Variants in PPP2R2C observed in about 807,000 individuals in gnomAD.
The protein encoded by PPP2R2C is protein phosphatase 2 regulatory subunit Bgamma.
Under a neutral mutation model 45.3 loss-of-function variants are expected in PPP2R2C, and 10 were observed. That is an observed-to-expected ratio of 0.22 (90% CI 0.14 to 0.37). PPP2R2C has a LOEUF of 0.37. PPP2R2C is among the 10% of genes least tolerant of loss of function. The pLI is 1.00. For synonymous variants in PPP2R2C, 257 were observed against 245.4 expected, an observed-to-expected ratio of 1.05 and a Z score of -0.44; for missense variants, 308 against 619.7, an observed-to-expected ratio of 0.50 and a Z score of 5.34.
chr4:6,344,035 A>G (rs528851721), intron 6 of PPP2R2C, among the ~76,000 whole-genome samples: 1 of 152,322 alleles, frequency 6.6e-6, no homozygotes, highest in African/African-American at 2.4e-5. Context: ...CATGTTGCCA[A>G]CCTCCCAGGT....
intron 1 of PPP2R2C, among the ~76,000 whole-genome samples, chr4:6,554,695 A>G (rs998516927): frequency 6.6e-6 from 1 of 151,966 alleles, no homozygotes; most frequent in African/African-American, 2.4e-5. Context: ...CCCTGTCTTT[A>G]CTAAAAATAC....
At position 6,331,132 on chromosome 4, in the gene PPP2R2C, T is replaced by C. The variant is rs1482881055; in HGVS notation, c.961-1779A>G. Reference sequence around the variant, plus strand: ...TCCCACCCCCGGCTCTGCATTTTTGTGTGTCCTCCTTACTCAGCTCCCAGC... The same window carrying C: ...TCCCACCCCCGGCTCTGCATTTTTGCGTGTCCTCCTTACTCAGCTCCCAGC... On this transcript the variant is annotated intron_variant, in intron 7 of 8. Transcript: ENST00000382599. This position sits in a 1 kb window ranked among gnomAD's most constrained non-coding sequence, Gnocchi z 5.9. Among the ~76,000 whole-genome samples, 1 of 152,170 alleles carries C rather than the reference T, an allele frequency of 6.6e-6. No homozygotes were observed. Among genetic ancestry groups the C allele is most frequent in the Non-Finnish European group, 1.5e-5 (1 of 68,030 alleles).
intron 1 of PPP2R2C, among the ~76,000 whole-genome samples, chr4:6,467,174 A>C (rs1721642597): frequency 6.6e-6 from 1 of 152,200 alleles, no homozygotes; most frequent in African/African-American, 2.4e-5. Context: ...AGGAACACAG[A>C]ATCTGAACAG....
rs564805600 is a variant in PPP2R2C, at chr4:6,530,138, G to T, written c.49+5133C>A. The stretch of plus-strand genomic sequence containing the variant: ...TTCTCGAGGGTTTACTCTGGGCCAG[G>T]CTCTGCCCTTAGCACCGCCCATGGA... On this transcript the variant is annotated intron_variant, in intron 2 of 9. Coordinates refer to the PPP2R2C transcript ENST00000506140. Among the ~76,000 whole-genome samples, 147 of 152,266 alleles carry T rather than the reference G, an allele frequency of 9.7e-4. 1 individual carries two copies. The highest frequency in any genetic ancestry group is 1.7e-3 in the Non-Finnish European group (115 of 68,024).
chr4:6,364,846 A>T lies in PPP2R2C; in HGVS notation c.625+7677T>A, dbSNP rs1714139279. On this transcript the variant is annotated intron_variant, in intron 5 of 8. Transcript: ENST00000382599. This position sits in a 1 kb window ranked among gnomAD's most constrained non-coding sequence, Gnocchi z 5.3. The stretch of plus-strand genomic sequence containing the variant: ...AGTGGCCTAAACACATGCTGGGGGC[A>T]GACAGGCAGGTGGGCTCTGGGTGCA... 6.6e-6 allele frequency among the ~76,000 whole-genome samples: 1 copy of T among 152,206 alleles called. No individual in the cohort carries two copies. The highest frequency in any genetic ancestry group is 1.5e-5 in the Non-Finnish European group (1 of 68,032).
At chr4:6,418,291 C>T (rs1718730305) in intron 1 of PPP2R2C, among the ~76,000 whole-genome samples, 1 of 152,156 alleles carries the variant, frequency 6.6e-6, no homozygotes, top group South Asian at 2.1e-4. Context: ...TGCTCATGCT[C>T]TGGTCACCCC....
intron 1 of PPP2R2C, among the ~76,000 whole-genome samples, chr4:6,445,220 C>A (rs1218631415): frequency 1.3e-5 from 2 of 150,456 alleles, no homozygotes; most frequent in East Asian, 1.9e-4. Context: ...AAAAAAAAAA[C>A]CCTCTCCCAA....
intron 1 of PPP2R2C, among the ~76,000 whole-genome samples, chr4:6,419,601 T>C (rs1450939477): frequency 3.9e-5 from 6 of 152,218 alleles, no homozygotes; most frequent in African/African-American, 7.2e-5. Flanking sequence ...ACTCCTCTTC[T>C]GGGATGTTAG....
At chr4:6,537,064 G>A (rs145237727) in intron 1 of PPP2R2C, among the ~76,000 whole-genome samples, 2,033 of 152,174 alleles carry the variant, frequency 0.013, 52 homozygotes, top group African/African-American at 0.046. Context: ...TTAGCCAGGC[G>A]TGGTGGTGGG....
At chr4:6,449,485 G>A (rs1200233120) in intron 1 of PPP2R2C, among the ~76,000 whole-genome samples, 4 of 152,208 alleles carry the variant, frequency 2.6e-5, no homozygotes, top group Non-Finnish European at 5.9e-5. Flanking sequence ...CTGGAGAGGA[G>A]TGAAAACACA....
intron 2 of PPP2R2C, among the ~76,000 whole-genome samples, chr4:6,477,805 C>T (rs10030974): frequency 6.6e-6 from 1 of 151,576 alleles, no homozygotes; most frequent in Non-Finnish European, 1.5e-5. Flanking sequence ...GGAGTCATCC[C>T]GACTCCCACG....
chr4:6,557,990 G>C (rs1349729855), intron 1 of PPP2R2C, among the ~76,000 whole-genome samples: 1 of 152,144 alleles, frequency 6.6e-6, no homozygotes, highest in Non-Finnish European at 1.5e-5. Context: ...GGACAGGAAG[G>C]CAGGAGGAAG....
chr4:6,393,749 C>G (rs1405845807), intron 1 of PPP2R2C, among the ~76,000 whole-genome samples: 1 of 152,216 alleles, frequency 6.6e-6, no homozygotes, highest in African/African-American at 2.4e-5. Context: ...TGTCTGCCAG[C>G]CTGGCTGGCA....
intron 1 of PPP2R2C, among the ~76,000 whole-genome samples, chr4:6,398,763 G>C (rs1717221696): frequency 1.3e-5 from 2 of 152,176 alleles, no homozygotes; most frequent in Admixed American, 1.3e-4. Context: ...AGTCACGAAA[G>C]CTCACAAACT....
At chr4:6,443,094 G>C (rs1038333098) in intron 1 of PPP2R2C, among the ~76,000 whole-genome samples, 4 of 152,052 alleles carry the variant, frequency 2.6e-5, no homozygotes, top group Non-Finnish European at 4.4e-5. Context: ...GAACCTGGGA[G>C]AACCAAGCTC....
At chr4:6,432,448 C>T (rs1719673716) in intron 1 of PPP2R2C, among the ~76,000 whole-genome samples, 4 of 152,212 alleles carry the variant, frequency 2.6e-5, no homozygotes, top group Admixed American at 2.6e-4. Context: ...GCGCCTGCTG[C>T]CTCGTTTCCC....
At chr4:6,382,586 G>A in intron 1 of PPP2R2C, 1 of 1,241,112 alleles carries the variant, frequency 8.1e-7, no homozygotes, top group South Asian at 1.3e-5. Context: ...CAGCTCTATT[G>A]TTCACTTGCT....
chr4:6,330,316 A>G lies in PPP2R2C; in HGVS notation c.961-963T>C, dbSNP rs189475992. ...CTGGTTTCAACTCCCAGGAGTTGAA[A>G]TTAACAACTCCAACGAACACAGAAA... On this transcript the variant is annotated intron_variant, in intron 7 of 8. Coordinates refer to ENST00000382599, the MANE Select transcript of PPP2R2C (RefSeq NM_020416.4). This position sits in a 1 kb window ranked among gnomAD's most constrained non-coding sequence, Gnocchi z 7.0. Among the ~76,000 whole-genome samples the G allele has an allele frequency of 5.6e-4, 86 of 152,354 alleles. No homozygotes were observed. The highest frequency in any genetic ancestry group is 1.0e-4 in the Non-Finnish European group (7 of 68,032).
At position 6,378,549 on chromosome 4, in the gene PPP2R2C, C is replaced by G; in HGVS notation, c.192G>C (p.Gln64His). Reference sequence around the variant, plus strand: ...AAGTGCTGTACACGTCGTATTCGCCCTGGCTGTGGGGCGCATTTTTACTCT... The same window carrying G: ...AAGTGCTGTACACGTCGTATTCGCCGTGGCTGTGGGGCGCATTTTTACTCT... ...EPESKNAPHSQGEYDVYSTFQ... is the reference protein window; with the variant it reads ...EPESKNAPHSHGEYDVYSTFQ... Residue 64 changes from glutamine (Q) to histidine (H), a missense_variant, in exon 3 of 9, where the codon CAG becomes CAC. By Grantham distance (24) the Gln-to-His change is conservative. Transcript: ENST00000382599. This position sits in a 1 kb window ranked among gnomAD's most constrained non-coding sequence, Gnocchi z 5.2. 1 of 1,613,980 alleles carries G rather than the reference C, an allele frequency of 6.2e-7. No individual in the cohort carries two copies. Among genetic ancestry groups the G allele is most frequent in the Non-Finnish European group, 8.5e-7 (1 of 1,179,904 alleles).
Sources: gnomAD v4.1 joint callset for allele counts (sites outside exome capture counted in the v4.1 genomes callset) on GRCh38, gnomAD v4.1.1 for gene constraint, Gnocchi (gnomAD v3.1) non-coding constraint, MANE v1.5 for transcripts, NCBI Gene and HGNC (gene_info 2026-07-23, HGNC 2026-07-21) for gene names.